The following TMEM108 variants were observed in gnomAD, a reference collection of about 807,000 sequenced individuals.
TMEM108 encodes transmembrane protein 108.
Under a neutral mutation model 35.1 loss-of-function variants are expected in TMEM108, and 12 were observed. The ratio of observed to expected loss-of-function variants is 0.34; its 90% CI spans 0.22 to 0.55. TMEM108 has a LOEUF of 0.55. Ranked by LOEUF, TMEM108 falls within the 20% of genes least tolerant of loss-of-function variation. TMEM108 has a pLI of 0.89. For missense variants in TMEM108, 680 were observed against 753.3 expected, an observed-to-expected ratio of 0.90 and a Z score of 1.14; for synonymous variants, 287 against 308.6, an observed-to-expected ratio of 0.93 and a Z score of 0.73.
intron 2 of TMEM108, among the ~76,000 whole-genome samples, chr3:133,211,893 A>C (rs898696917): frequency 6.6e-6 from 1 of 151,806 alleles, no homozygotes; most frequent in East Asian, 1.9e-4. Flanking sequence ...GGAATTCTGC[A>C]TCTTGGTGGA....
At chr3:133,043,227 A>C (rs1004172732) in intron 1 of TMEM108, among the ~76,000 whole-genome samples, 1 of 152,120 alleles carries the variant, frequency 6.6e-6, no homozygotes, top group Non-Finnish European at 1.5e-5. Flanking sequence ...AATCTTATGT[A>C]TTTGATCTTA....
intron 3 of TMEM108, chr3:133,257,230 G>A (rs975731475): frequency 6.6e-6 from 1 of 152,190 alleles, no homozygotes; most frequent in Non-Finnish European, 1.5e-5. Context: ...GTAATGAGGT[G>A]CTTGTGGGAG....
rs2073320010 is a variant in TMEM108, at chr3:133,397,348, T to G, written c.*1362T>G. On this transcript the variant is annotated 3_prime_UTR_variant, in exon 6 of 6. Transcript: ENST00000321871. ...ATATTGGGTCATATGTTTGTGTTGT[T>G]GCTGTAGTCTATCATGACTTTTTTC... 1 of 152,080 alleles carries G rather than the reference T, an allele frequency of 6.6e-6. No homozygotes were observed. Among genetic ancestry groups the G allele is most frequent in the South Asian group, 2.1e-4 (1 of 4,828 alleles). 9.4% of individuals were successfully genotyped at this position (152,080 alleles called of 1,614,324 possible).
chr3:133,071,276 C>T (rs2107689613), intron 2 of TMEM108, among the ~76,000 whole-genome samples: 1 of 152,246 alleles, frequency 6.6e-6, no homozygotes, highest in Non-Finnish European at 1.5e-5. Context: ...ATCAGGGTGT[C>T]AGCAGGGTTG....
At chr3:133,172,293 C>G (rs1945141421) in intron 2 of TMEM108, among the ~76,000 whole-genome samples, 1 of 152,072 alleles carries the variant, frequency 6.6e-6, no homozygotes, top group African/African-American at 2.4e-5. Flanking sequence ...CTGCTTCTTA[C>G]AGAAATTATT....
intron 2 of TMEM108, among the ~76,000 whole-genome samples, chr3:133,072,994 T>C (rs1357059611): frequency 1.3e-5 from 2 of 152,178 alleles, no homozygotes; most frequent in Admixed American, 1.3e-4. Context: ...ACTTCATTCC[T>C]ATTTATTTGT....
intron 2 of TMEM108, among the ~76,000 whole-genome samples, chr3:133,209,130 A>G (rs769832075): frequency 5.2e-4 from 79 of 152,120 alleles, no homozygotes; most frequent in Non-Finnish European, 9.0e-4. Context: ...TGAAACTTCA[A>G]ACTAGCTCAA....
chr3:133,307,674 A>G (rs906060138), intron 3 of TMEM108, among the ~76,000 whole-genome samples: 1 of 152,066 alleles, frequency 6.6e-6, no homozygotes, highest in Non-Finnish European at 1.5e-5. Context: ...CAAAGATCAG[A>G]TGGTTGTAGA....
At chr3:133,330,869 T>C (rs1283262164) in intron 3 of TMEM108, among the ~76,000 whole-genome samples, 1 of 152,184 alleles carries the variant, frequency 6.6e-6, no homozygotes, top group East Asian at 1.9e-4. Context: ...GTTTGGGATT[T>C]ACCTCAAAAC....
intron 3 of TMEM108, among the ~76,000 whole-genome samples, chr3:133,348,436 C>T (rs943865858): frequency 3.3e-5 from 5 of 152,030 alleles, no homozygotes; most frequent in Non-Finnish European, 7.4e-5. Context: ...TCTCAGGAAA[C>T]CTTGGGGAGA....
At chr3:133,379,674 T>C in intron 3 of TMEM108, 78 bp from the exon 4 acceptor site, 2 of 1,451,236 alleles carry the variant, frequency 1.4e-6, no homozygotes, top group Non-Finnish European at 1.9e-6. Flanking sequence ...AGCACTGTCC[T>C]AGGCCACAGG....
At chr3:133,339,688 G>C (rs530485797) in intron 3 of TMEM108, among the ~76,000 whole-genome samples, 1 of 152,018 alleles carries the variant, frequency 6.6e-6, no homozygotes, top group South Asian at 2.1e-4. Context: ...CTAAAGAATA[G>C]ACCATGTGTC....
chr3:133,309,820 C>T (rs1241063460), intron 3 of TMEM108, among the ~76,000 whole-genome samples: 1 of 150,690 alleles, frequency 6.6e-6, no homozygotes, highest in African/African-American at 2.4e-5. Flanking sequence ...CCTGCCTCAG[C>T]CTCCCAAGTA....
intron 3 of TMEM108, among the ~76,000 whole-genome samples, chr3:133,294,926 T>C (rs1559895217): frequency 6.6e-6 from 1 of 152,238 alleles, no homozygotes; most frequent in African/African-American, 2.4e-5. Context: ...GTACATTCTT[T>C]GCCTGAAATC....
chr3:133,109,348 C>T (rs906505814), intron 2 of TMEM108, among the ~76,000 whole-genome samples: 4 of 152,032 alleles, frequency 2.6e-5, no homozygotes, highest in African/African-American at 9.7e-5. Flanking sequence ...TGAGGTACTG[C>T]CAGGCATAGT....
At chr3:133,104,571 TG>T (rs1329837767) in intron 2 of TMEM108, among the ~76,000 whole-genome samples, 1 of 152,172 alleles carries the variant, frequency 6.6e-6, no homozygotes, top group Non-Finnish European at 1.5e-5. Context: ...GATATCCATA[TG>T]CTTCTGTTCA....
intron 3 of TMEM108, among the ~76,000 whole-genome samples, chr3:133,364,111 T>A (rs1265775503): frequency 2.0e-5 from 3 of 152,208 alleles, no homozygotes; most frequent in Non-Finnish European, 4.4e-5. Context: ...ACTGTTATAA[T>A]TCTCATTTTA....
intron 2 of TMEM108, among the ~76,000 whole-genome samples, chr3:133,132,213 A>G (rs1216904601): frequency 2.0e-5 from 3 of 152,220 alleles, no homozygotes; most frequent in East Asian, 1.9e-4. Flanking sequence ...CAAATTTTCA[A>G]TGTAGATGAA....
At chr3:133,388,659 A>G (rs2107857108) in intron 4 of TMEM108, 9 of 985,434 alleles carry the variant, frequency 9.1e-6, no homozygotes, top group Non-Finnish European at 1.1e-5. Context: ...CAAAGCAGAT[A>G]AGATAAAGTA....
Sources: allele counts gnomAD v4.1 joint callset (sites outside exome capture counted in the v4.1 genomes callset), GRCh38; gene constraint gnomAD v4.1.1; transcripts MANE v1.5; gene names NCBI Gene and HGNC (gene_info 2026-07-23, HGNC 2026-07-21).